The following HSD17B12 variants were observed in gnomAD, a reference collection of about 807,000 sequenced individuals.
The protein encoded by HSD17B12 is hydroxysteroid 17-beta dehydrogenase 12.
A neutral mutation model predicts 39.3 loss-of-function variants in HSD17B12; 32 were observed. The observed-to-expected ratio is 0.81, with a 90% confidence interval of 0.61 to 1.09. HSD17B12 has a LOEUF of 1.09. Among genes scored for constraint, HSD17B12 ranks in the 50% least tolerant of loss-of-function variants. The pLI is 0.00. For missense variants in HSD17B12, 342 were observed against 382.9 expected, an observed-to-expected ratio of 0.89 and a Z score of 0.89; for synonymous variants, 150 against 146.7, an observed-to-expected ratio of 1.02 and a Z score of -0.16.
intron 1 of HSD17B12, among the ~76,000 whole-genome samples, chr11:43,681,824 T>TCC (rs376469367): frequency 3.0e-5 from 4 of 134,898 alleles, no homozygotes; most frequent in African/African-American, 5.4e-5. Flanking sequence ...GAAGTTTTGC[T>TCC]CCCCCCCCCC....
the HSD17B12 span, among the ~76,000 whole-genome samples, chr11:43,637,098 T>A: frequency 6.6e-6 from 1 of 152,156 alleles, no homozygotes; most frequent in Non-Finnish European, 1.5e-5. Context: ...AGTTGTAGTA[T>A]TAAATATGCA....
At chr11:43,694,284 G>C (rs1042259578) in intron 1 of HSD17B12, among the ~76,000 whole-genome samples, 6 of 152,116 alleles carry the variant, frequency 3.9e-5, no homozygotes, top group Non-Finnish European at 8.8e-5. Context: ...TAGGTTTTCT[G>C]ACTCTAGGCT....
At chr11:43,680,203 A>G (rs1164991984), upstream of HSD17B12, among the ~76,000 whole-genome samples, 2 of 151,766 alleles carry the variant, frequency 1.3e-5, no homozygotes, top group East Asian at 3.9e-4. Flanking sequence ...CCTCCCGAGT[A>G]GCTGAGATTA....
At position 43,798,369 on chromosome 11, in the gene HSD17B12, A is replaced by G; in HGVS notation, c.333A>G (p.Ser111=). Reference sequence around the variant, plus strand: ...GAACCATTGCTGTTGACTTTGCATCAGAAGATATTTATGATAAAATTAAAA... The same window carrying G: ...GAACCATTGCTGTTGACTTTGCATCGGAAGATATTTATGATAAAATTAAAA... ...ETRTIAVDFA[S]EDIYDKIKTG... The change falls in exon 4 of 11, where the codon TCA becomes TCG. Residue 111 remains serine, a synonymous_variant. Coordinates refer to ENST00000278353, the MANE Select transcript of HSD17B12 (RefSeq NM_016142.3). 1 of 1,612,790 alleles carries G rather than the reference A, an allele frequency of 6.2e-7. No individual in the cohort carries two copies. Among genetic ancestry groups the G allele is most frequent in the East Asian group, 2.2e-5 (1 of 44,788 alleles).
intron 1 of HSD17B12, among the ~76,000 whole-genome samples, chr11:43,683,409 G>A (rs1363000617): frequency 6.6e-6 from 1 of 151,200 alleles, no homozygotes; most frequent in South Asian, 2.1e-4. Context: ...TTTTTTAAAT[G>A]CTTAAGCAGA....
chr11:43,735,283 T>C (rs2134898712), intron 1 of HSD17B12, among the ~76,000 whole-genome samples: 1 of 152,336 alleles, frequency 6.6e-6, no homozygotes, highest in South Asian at 2.1e-4. Context: ...GGGGGCTATA[T>C]ACCTAGGAGT....
At chr11:43,747,603 C>T (rs139654619) in intron 1 of HSD17B12, among the ~76,000 whole-genome samples, 197 of 152,332 alleles carry the variant, frequency 1.3e-3, no homozygotes, top group Admixed American at 2.2e-3. Context: ...GAGAAAGACA[C>T]TCCTTTGAAG....
chr11:43,591,155 T>G, the HSD17B12 span, among the ~76,000 whole-genome samples: 3 of 152,152 alleles, frequency 2.0e-5, no homozygotes, highest in Non-Finnish European at 4.4e-5. Flanking sequence ...AAATAGGTAA[T>G]GAAGCACAGA....
At chr11:43,605,269 G>A in the HSD17B12 span, among the ~76,000 whole-genome samples, 1 of 152,014 alleles carries the variant, frequency 6.6e-6, no homozygotes, top group African/African-American at 2.4e-5. Flanking sequence ...GCGGAAAAAA[G>A]TTCTGGAATC....
chr11:43,563,694 T>G, the HSD17B12 span, among the ~76,000 whole-genome samples: 2 of 152,150 alleles, frequency 1.3e-5, no homozygotes, highest in Non-Finnish European at 2.9e-5. Context: ...GGTACATGCC[T>G]GTAGACCCAG....
intron 6 of HSD17B12, among the ~76,000 whole-genome samples, chr11:43,827,277 A>G (rs1951252752): frequency 6.6e-6 from 1 of 152,052 alleles, no homozygotes; most frequent in Non-Finnish European, 1.5e-5. Flanking sequence ...TGAGCTTTTG[A>G]TTGTCTTTTT....
At chr11:43,833,742 G>A (rs922250247) in intron 7 of HSD17B12, 3 of 146,576 alleles carry the variant, frequency 2.0e-5, no homozygotes, top group Admixed American at 6.7e-5. Flanking sequence ...ATGATCCTTT[G>A]TTGTTGTTTT....
chr11:43,655,185 C>T, the HSD17B12 span, among the ~76,000 whole-genome samples: 1 of 152,160 alleles, frequency 6.6e-6, no homozygotes, highest in South Asian at 2.1e-4. Flanking sequence ...TGGGAGTTCA[C>T]TCATGGTTTG....
At chr11:43,779,745 A>T (rs758249298) in intron 3 of HSD17B12, among the ~76,000 whole-genome samples, 3 of 152,228 alleles carry the variant, frequency 2.0e-5, no homozygotes, top group Non-Finnish European at 4.4e-5. Flanking sequence ...CATTGCTTTA[A>T]TGGGCCAAAA....
chr11:43,578,590 C>G, the HSD17B12 span, among the ~76,000 whole-genome samples: 1 of 152,212 alleles, frequency 6.6e-6, no homozygotes, highest in Non-Finnish European at 1.5e-5. Context: ...GCCTCCTCGT[C>G]ATTCACTGGG....
chr11:43,849,470 G>A (rs1951511066), intron 9 of HSD17B12, among the ~76,000 whole-genome samples: 1 of 151,954 alleles, frequency 6.6e-6, no homozygotes, highest in Non-Finnish European at 1.5e-5. Context: ...TCCTACTTCT[G>A]TGGCCTCCTT....
intron 1 of HSD17B12, among the ~76,000 whole-genome samples, chr11:43,701,686 G>A (rs1949966356): frequency 2.0e-5 from 3 of 152,152 alleles, no homozygotes; most frequent in South Asian, 4.1e-4. Context: ...GCATTGGTCA[G>A]TGTGTCTGCT....
At chr11:43,800,204 A>C (rs186168969) in intron 4 of HSD17B12, among the ~76,000 whole-genome samples, 133 of 152,320 alleles carry the variant, frequency 8.7e-4, no homozygotes, top group African/African-American at 3.2e-3. Flanking sequence ...GTTAGTATGG[A>C]AGCTGTCATG....
At chr11:43,619,202 T>TATATATATAAAATATATATATATATGAC in the HSD17B12 span, among the ~76,000 whole-genome samples, 3 of 53,810 alleles carry the variant, frequency 5.6e-5, no homozygotes, top group African/African-American at 2.0e-4. Context: ...ATATATGATA[T>TATATATATAAAATATATATATATATGAC]ATATATATAT....
Sources: allele counts gnomAD v4.1 joint callset (sites outside exome capture counted in the v4.1 genomes callset), GRCh38; gene constraint gnomAD v4.1.1; transcripts MANE v1.5; gene names NCBI Gene and HGNC (gene_info 2026-07-23, HGNC 2026-07-21).